The following C2orf80 variants were observed in gnomAD, a reference collection of about 807,000 sequenced individuals.
C2orf80 encodes uncharacterized protein C2orf80.
C2orf80 carries 28 observed loss-of-function variants against 30.2 expected under a neutral mutation model. The observed-to-expected ratio is 0.93, with a 90% CI of 0.69 to 1.27. C2orf80 has a LOEUF of 1.27. Among genes scored for constraint, C2orf80 ranks in the 50% most tolerant of loss-of-function variants. The pLI, the probability that C2orf80 is intolerant of heterozygous loss-of-function variation, is 0.00. For synonymous variants in C2orf80, 80 were observed against 76.4 expected (o/e 1.05, Z -0.24); for missense variants, 220 against 231.0 (o/e 0.95, Z 0.31).
chr2:208,173,187 A>T (rs1188378734), intron 6 of C2orf80, among the ~76,000 whole-genome samples: 1 of 151,474 alleles, frequency 6.6e-6, no homozygotes, highest in Non-Finnish European at 1.5e-5. Flanking sequence ...ACATTGTGGT[A>T]TATTCCTAGA....
Position 208,177,832 on chromosome 2 carries a change from TTTA to T in C2orf80, c.366+2910_366+2912del, listed in dbSNP as rs1317703177. On this transcript the variant is annotated intron_variant, in intron 6 of 8. Coordinates refer to ENST00000341287, the MANE Select transcript of C2orf80 (RefSeq NM_001099334.3). The stretch of plus-strand genomic sequence containing the variant: ...TATTTATTTATTTATTTATTTATTT[TTTA>T]TTTTTTTTGAGACAGAGTTTTGCTC... Among the ~76,000 whole-genome samples, 1,379 of 139,312 alleles carry T rather than the reference TTTA, an allele frequency of 9.9e-3. 23 individuals are homozygous for T. Among genetic ancestry groups the T allele is most frequent in the African/African-American group, 0.034 (1,286 of 37,472 alleles). The allele number at this position is 139,312 out of a possible 152,430, so 91.4% of individuals were successfully genotyped here.
rs571879521 is a variant in C2orf80, at chr2:208,175,748, T to TAA, written c.367-3675_367-3674dup. 7.8e-3 allele frequency among the ~76,000 whole-genome samples: 1,182 copies of TAA among 151,562 alleles called. 16 individuals carry two copies. Among genetic ancestry groups the TAA allele is most frequent in the African/African-American group, 0.026 (1,071 of 41,364 alleles). ...TCTCTTGCAATATCGTTTTTTTTTT[T>TAA]AAAAAACTCTAGTTAAAACCATTTT... is the stretch of plus-strand genomic sequence containing the variant. On this transcript the variant is annotated intron_variant, in intron 6 of 8. Coordinates refer to ENST00000341287, the MANE Select transcript of C2orf80 (RefSeq NM_001099334.3).
chr2:208,176,332 C>A (rs1213075918), intron 6 of C2orf80, among the ~76,000 whole-genome samples: 3 of 152,192 alleles, frequency 2.0e-5, no homozygotes, highest in African/African-American at 4.8e-5. Flanking sequence ...CCCACCACCA[C>A]ACCCGGCTAA....
At chr2:208,176,943 G>A (rs1412984340) in intron 6 of C2orf80, among the ~76,000 whole-genome samples, 4 of 87,714 alleles carry the variant, frequency 4.6e-5, no homozygotes, top group African/African-American at 1.6e-4. Flanking sequence ...ATACATATCT[G>A]TATACATATC....
At chr2:208,171,787 A>C (rs1048972819) in intron 7 of C2orf80, among the ~76,000 whole-genome samples, 2 of 152,112 alleles carry the variant, frequency 1.3e-5, no homozygotes, top group African/African-American at 4.8e-5. Context: ...TGCTCCCATC[A>C]CCAAAGCATC....
In C2orf80 at chr2:208,165,611, T is replaced by C. The variant is rs1695860066; in HGVS notation, c.*196A>G. 1.7e-6 allele frequency: 1 copy of C among 592,076 alleles called. No homozygotes were observed. Among genetic ancestry groups the C allele is most frequent in the African/African-American group, 1.9e-5 (1 of 52,644 alleles). The allele number at this position is 592,076 out of a possible 1,614,324, so 36.7% of individuals were successfully genotyped here. ...TGAAGTAGCATAAGGTCACAGTTTT[T>C]TTTTTTAAGAAAATGTAGCCATGCA... is the stretch of plus-strand genomic sequence containing the variant. On this transcript the variant is annotated 3_prime_UTR_variant, in exon 9 of 9. Coordinates refer to ENST00000341287, the MANE Select transcript of C2orf80 (RefSeq NM_001099334.3).
chr2:208,166,657 C>T (rs908746951), intron 8 of C2orf80, among the ~76,000 whole-genome samples: 3 of 148,816 alleles, frequency 2.0e-5, no homozygotes. Context: ...TGTCCTGACA[C>T]TTTTTTTTTT....
At chr2:208,172,190 G>C in intron 6 of C2orf80, 115 bp from the exon 7 acceptor site, 1 of 833,680 alleles carries the variant, frequency 1.2e-6, no homozygotes, top group South Asian at 1.3e-5. Context: ...TCCAATTGTT[G>C]AGTACTGTCC....
At chr2:208,172,382 C>T (rs1376817128) in intron 6 of C2orf80, among the ~76,000 whole-genome samples, 1 of 152,170 alleles carries the variant, frequency 6.6e-6, no homozygotes, top group Admixed American at 6.5e-5. Flanking sequence ...GAGGCACCTA[C>T]CTCTCTTTTA....
chr2:208,166,767 G>A (rs1406741095), intron 8 of C2orf80, among the ~76,000 whole-genome samples: 3 of 151,958 alleles, frequency 2.0e-5, no homozygotes, highest in Non-Finnish European at 4.4e-5. Context: ...CCATTCTCCT[G>A]CCTCAGCCTC....
intron 6 of C2orf80, among the ~76,000 whole-genome samples, chr2:208,176,933 A>G (rs200948770): frequency 0.043 from 3,012 of 69,510 alleles, 843 homozygotes; most frequent in East Asian, 0.29. Flanking sequence ...ATACATATGT[A>G]TACATATCTG....
intron 6 of C2orf80, among the ~76,000 whole-genome samples, chr2:208,176,157 G>C (rs1030833499): frequency 1.3e-5 from 2 of 152,094 alleles, no homozygotes; most frequent in African/African-American, 4.8e-5. Context: ...TGCCTCCCTG[G>C]GGACATTTGG....
chr2:208,185,501 G>A (rs1202193466), intron 2 of C2orf80, among the ~76,000 whole-genome samples: 1 of 152,166 alleles, frequency 6.6e-6, no homozygotes, highest in Non-Finnish European at 1.5e-5. Context: ...TTAGGAGGAG[G>A]AATGCATAAA....
intron 1 of C2orf80, 122 bp downstream of exon 1, chr2:208,189,831 T>A (rs2105918220): frequency 3.0e-6 from 2 of 656,436 alleles, no homozygotes; most frequent in African/African-American, 3.7e-5. Flanking sequence ...TATCATTTCC[T>A]GGAGAATATC....
chr2:208,187,159 C>A, intron 1 of C2orf80, 98 bp from the exon 2 acceptor site: 1 of 593,838 alleles, frequency 1.7e-6, no homozygotes, highest in Non-Finnish European at 2.9e-6. Context: ...GAGGGAGCAC[C>A]TCATTCAGGC....
At chr2:208,170,802 T>G in intron 8 of C2orf80, 143 bp downstream of exon 8, 1 of 682,332 alleles carries the variant, frequency 1.5e-6, no homozygotes, top group Non-Finnish European at 2.6e-6. Flanking sequence ...TCTTGCCTGA[T>G]GTCCCATAGC....
intron 8 of C2orf80, chr2:208,168,547 G>A (rs1485849356): frequency 6.2e-6 from 1 of 162,044 alleles, no homozygotes; most frequent in East Asian, 1.9e-4. Context: ...TGTAGTCCCA[G>A]CTACTCGGGA....
chr2:208,176,958 T>C (rs373179956), intron 6 of C2orf80, among the ~76,000 whole-genome samples: 13 of 54,962 alleles, frequency 2.4e-4, no homozygotes, highest in East Asian at 2.3e-3. Context: ...CATATCTGTA[T>C]ACATATGTAT....
intron 6 of C2orf80, among the ~76,000 whole-genome samples, chr2:208,180,204 T>C (rs527797541): frequency 1.4e-3 from 216 of 152,048 alleles, no homozygotes; most frequent in African/African-American, 4.9e-3. Flanking sequence ...TACTCCAGTA[T>C]TTTAGGAGGC....
Sources: allele counts gnomAD v4.1 joint callset (sites outside exome capture counted in the v4.1 genomes callset), GRCh38; gene constraint gnomAD v4.1.1; transcripts MANE v1.5; gene names NCBI Gene and HGNC (gene_info 2026-07-23, HGNC 2026-07-21).